The following SNTB1 variants were observed in gnomAD, a reference collection of about 807,000 sequenced individuals.
The protein encoded by SNTB1 is syntrophin beta 1.
Under a neutral mutation model 48.9 loss-of-function variants are expected in SNTB1, and 36 were observed. That is an observed-to-expected ratio of 0.74 (90% CI 0.56 to 0.97). The LOEUF (loss-of-function observed/expected upper bound fraction) is 0.97, where lower values mean the gene tolerates loss of function less well. Ranked by LOEUF, SNTB1 falls within the 50% of genes least tolerant of loss-of-function variation. The pLI is 0.00. For synonymous variants in SNTB1, 299 were observed against 294.6 expected (o/e 1.01, Z -0.15); for missense variants, 786 against 703.4 (o/e 1.12, Z -1.33).
intron 1 of SNTB1, among the ~76,000 whole-genome samples, chr8:120,694,968 G>T (rs755522806): frequency 1.1e-4 from 16 of 152,090 alleles, no homozygotes; most frequent in Admixed American, 2.6e-4. Context: ...CTGAAGTTCT[G>T]CTCTTTGATA....
chr8:120,749,153 G>T (rs1352386264), intron 1 of SNTB1, among the ~76,000 whole-genome samples: 2 of 152,284 alleles, frequency 1.3e-5, no homozygotes, highest in East Asian at 3.9e-4. Context: ...GCCTGGAAAA[G>T]AACGAGAAGA....
intron 1 of SNTB1, among the ~76,000 whole-genome samples, chr8:120,760,679 C>CG (rs1819403861): frequency 6.6e-6 from 1 of 152,086 alleles, no homozygotes; most frequent in East Asian, 1.9e-4. Context: ...TACACCCAGA[C>CG]TGTTCTGTTC....
At chr8:120,547,989 G>A (rs1472594549) in intron 5 of SNTB1, among the ~76,000 whole-genome samples, 1 of 152,156 alleles carries the variant, frequency 6.6e-6, no homozygotes, top group African/African-American at 2.4e-5. Flanking sequence ...TCCCCAGTAT[G>A]GAGGTGGGGC....
intron 2 of SNTB1, among the ~76,000 whole-genome samples, chr8:120,635,107 A>G (rs919762043): frequency 1.3e-5 from 2 of 152,176 alleles, no homozygotes; most frequent in African/African-American, 4.8e-5. Context: ...AGTCTCCCCA[A>G]TAAGATACAA....
At chr8:120,540,340 T>C (rs928122801) in intron 6 of SNTB1, among the ~76,000 whole-genome samples, 5 of 152,192 alleles carry the variant, frequency 3.3e-5, no homozygotes, top group African/African-American at 1.2e-4. Flanking sequence ...TTTGAGCTCG[T>C]CAACTAAATG....
intron 1 of SNTB1, among the ~76,000 whole-genome samples, chr8:120,796,646 CT>C (rs1820123942): frequency 6.6e-6 from 1 of 151,994 alleles, no homozygotes; most frequent in African/African-American, 2.4e-5. Flanking sequence ...ATTAAAGCTT[CT>C]TTTAGGGAAA....
chr8:120,542,160 A>G (rs1174594671), intron 5 of SNTB1, 160 bp from the exon 6 acceptor site: 2 of 596,778 alleles, frequency 3.4e-6, no homozygotes, highest in Non-Finnish European at 5.7e-6. Context: ...TTCTGTTTGG[A>G]TTTATTTTGG....
chr8:120,630,069 C>A (rs950307650), intron 3 of SNTB1, among the ~76,000 whole-genome samples: 2 of 152,162 alleles, frequency 1.3e-5, no homozygotes, highest in Non-Finnish European at 2.9e-5. Context: ...GAGAAAAGTA[C>A]CTTCAAGAAT....
chr8:120,629,121 T>C (rs1249225579), intron 3 of SNTB1, among the ~76,000 whole-genome samples: 1 of 152,222 alleles, frequency 6.6e-6, no homozygotes, highest in African/African-American at 2.4e-5. Context: ...CAAGCTGTAC[T>C]GACACAGGCC....
intron 2 of SNTB1, among the ~76,000 whole-genome samples, chr8:120,640,927 T>C (rs1288589788): frequency 6.6e-6 from 1 of 152,184 alleles, no homozygotes; most frequent in Non-Finnish European, 1.5e-5. Context: ...TTTCTATTGA[T>C]TGGAATAGTT....
chr8:120,571,140 A>G, intron 4 of SNTB1: 1 of 1,125,272 alleles, frequency 8.9e-7, no homozygotes, highest in Non-Finnish European at 1.1e-6. Flanking sequence ...TAATGCCCAG[A>G]AACTGTGAGA....
rs1426541560 is a variant in SNTB1, at chr8:120,541,913, A to T, written c.1421T>A (p.Phe474Tyr). The change falls in exon 6 of 7, where the codon TTT becomes TAT. Residue 474 changes from phenylalanine (F) to tyrosine (Y), a missense_variant. Phe to Tyr is a conservative substitution (Grantham distance 22). Coordinates refer to ENST00000517992, the MANE Select transcript of SNTB1 (RefSeq NM_021021.4). ...SITTEPQEGA[F>Y]PKTIIQSPYE... The stretch of plus-strand genomic sequence containing the variant: ...AGGAGACTGTATGATGGTCTTGGGA[A>T]AGGCACCCTCCTGTGGTTCAGTGGT... The T allele has an allele frequency of 1.2e-6, 2 of 1,613,942 alleles. No homozygotes were observed. Among genetic ancestry groups the T allele is most frequent in the South Asian group, 1.1e-5 (1 of 91,058 alleles).
intron 2 of SNTB1, among the ~76,000 whole-genome samples, chr8:120,684,843 A>G (rs549482884): frequency 6.6e-6 from 1 of 152,158 alleles, no homozygotes; most frequent in South Asian, 2.1e-4. Flanking sequence ...TTTAGTAGAG[A>G]TGGAGTTTCA....
chr8:120,576,393 GAC>G (rs1815951557), intron 3 of SNTB1, among the ~76,000 whole-genome samples: 2 of 152,310 alleles, frequency 1.3e-5, no homozygotes, highest in African/African-American at 4.8e-5. Context: ...TATCTTAAGT[GAC>G]ACAGTGGAAT....
chr8:120,696,455 T>G (rs571163345), intron 1 of SNTB1, among the ~76,000 whole-genome samples: 4 of 152,230 alleles, frequency 2.6e-5, no homozygotes, highest in Non-Finnish European at 5.9e-5. Flanking sequence ...ATATACTTAA[T>G]GATGTGCCAA....
chr8:120,682,992 C>T (rs1316082041), intron 2 of SNTB1, among the ~76,000 whole-genome samples: 1 of 151,346 alleles, frequency 6.6e-6, no homozygotes, highest in East Asian at 1.9e-4. Flanking sequence ...CGCCATTCTC[C>T]TGCCTCAGCC....
At chr8:120,809,411 TTC>T (rs1249461733) in intron 1 of SNTB1, among the ~76,000 whole-genome samples, 2 of 152,206 alleles carry the variant, frequency 1.3e-5, no homozygotes, top group African/African-American at 4.8e-5. Context: ...ACTTTTCAGT[TTC>T]TGTTTCAAGA....
intron 1 of SNTB1, among the ~76,000 whole-genome samples, chr8:120,713,956 G>A (rs1437566089): frequency 6.6e-6 from 1 of 152,160 alleles, no homozygotes; most frequent in Non-Finnish European, 1.5e-5. Context: ...AGGAAGCCCA[G>A]GAACAAGAGA....
chr8:120,595,441 G>T (rs1816307741), intron 3 of SNTB1, among the ~76,000 whole-genome samples: 2 of 152,022 alleles, frequency 1.3e-5, no homozygotes, highest in South Asian at 4.2e-4. Flanking sequence ...ACATCAGGAA[G>T]TTACCCTATA....
Sources: allele counts gnomAD v4.1 joint callset (sites outside exome capture counted in the v4.1 genomes callset), GRCh38; gene constraint gnomAD v4.1.1; transcripts MANE v1.5; gene names NCBI Gene and HGNC (gene_info 2026-07-23, HGNC 2026-07-21).